The following BLOC1S1 variants were observed in gnomAD, a reference collection of about 807,000 sequenced individuals.
BLOC1S1 encodes biogenesis of lysosomal organelles complex 1 subunit 1, also known as biogenesis of lysosome-related organelles complex 1 subunit 1.
BLOC1S1 carries 11 observed loss-of-function variants against 19.0 expected under a neutral mutation model. The ratio of observed to expected loss-of-function variants is 0.58; its 90% confidence interval spans 0.37 to 0.96. BLOC1S1 has a LOEUF of 0.96. Among genes scored for constraint, BLOC1S1 ranks in the 40% least tolerant of loss-of-function variants. BLOC1S1 has a pLI of 0.01. For missense variants in BLOC1S1, 220 were observed against 195.9 expected (o/e 1.12, Z -0.73); for synonymous variants, 94 against 76.4 (o/e 1.23, Z -1.20).
intron 1 of BLOC1S1, 51 bp from the exon 2 acceptor site, chr12:55,716,882 C>A: frequency 6.5e-7 from 1 of 1,527,640 alleles, no homozygotes; most frequent in Non-Finnish European, 8.9e-7. Flanking sequence ...TTTAACACTA[C>A]CCCTCAAAAA....
intron 2 of BLOC1S1, 46 bp from the exon 3 acceptor site, chr12:55,719,045 C>A: frequency 1.3e-6 from 2 of 1,596,724 alleles, no homozygotes; most frequent in East Asian, 2.2e-5. Context: ...CCGGAGACCA[C>A]CCCCAACTAG....
intron 2 of BLOC1S1, among the ~76,000 whole-genome samples, chr12:55,718,802 C>T (rs1405598787): frequency 6.6e-6 from 1 of 152,086 alleles, no homozygotes; most frequent in Non-Finnish European, 1.5e-5. Context: ...GGATATCACC[C>T]CAGGTTTTCC....
Position 55,719,674 on chromosome 12 carries a change from C to A in BLOC1S1, c.*65C>A. On this transcript the variant is annotated 3_prime_UTR_variant, in exon 4 of 4. Transcript: ENST00000548925. ...CCGCAGGGGGAAGGAGGGAGGCTGA[C>A]AAGCCTTGAATAAAACACAAGCCTC... 1.5e-6 allele frequency: 2 copies of A among 1,378,014 alleles called. No homozygotes were observed. Among genetic ancestry groups the A allele is most frequent in the Non-Finnish European group, 2.1e-6 (2 of 974,830 alleles). 85.4% of individuals were successfully genotyped at this position (1,378,014 alleles called of 1,614,324 possible). A position where few individuals can be genotyped will look rare whatever the true frequency, so the allele number is the denominator to read the frequency against.
rs1309072207 is a variant in BLOC1S1, at chr12:55,719,687, A to G, written c.*78A>G. ...GAGGGAGGCTGACAAGCCTTGAATA[A>G]AACACAAGCCTCCGTTTCTCTGTGG... is the stretch of plus-strand genomic sequence containing the variant. On this transcript the variant is annotated 3_prime_UTR_variant, in exon 4 of 4. Transcript: ENST00000548925. 1 of 1,218,510 alleles carries G rather than the reference A, an allele frequency of 8.2e-7. No homozygotes were observed. Among genetic ancestry groups the G allele is most frequent in the African/African-American group, 1.5e-5 (1 of 66,506 alleles). The allele number at this position is 1,218,510 out of a possible 1,614,324, so 75.5% of individuals were successfully genotyped here.
chr12:55,719,122 C>A lies in BLOC1S1; in HGVS notation c.250C>A (p.Leu84Met), dbSNP rs1305717466. ...CCAGGCCTACATGAACCAGAGAAAG[C>A]TGGACCATGAGGTGAAGACCCTACA... ...VAQAYMNQRK[L>M]DHEVKTLQVQ... Residue 84 changes from leucine (L) to methionine (M), a missense_variant, in exon 3 of 4, where the codon CTG (leucine) becomes ATG (methionine). Coordinates refer to ENST00000548925, the MANE Select transcript of BLOC1S1 (RefSeq NM_001487.4). 1.2e-6 allele frequency: 2 copies of A among 1,613,850 alleles called. No homozygotes were observed. The highest frequency in any genetic ancestry group is 1.7e-6 in the Non-Finnish European group (2 of 1,180,016).
At chr12:55,716,538 G>A (rs1431817198) in intron 1 of BLOC1S1, 10 of 1,230,688 alleles carry the variant, frequency 8.1e-6, no homozygotes, top group Non-Finnish European at 1.0e-5. Flanking sequence ...GAGGGTGTGG[G>A]GAACCCCCCA....
intron 1 of BLOC1S1, 75 bp downstream of exon 1, chr12:55,716,271 A>G (rs907884029): frequency 6.5e-7 from 1 of 1,544,598 alleles, no homozygotes; most frequent in African/African-American, 1.4e-5. Context: ...GATCTCGAGT[A>G]ACTAACCATA....
At chr12:55,716,365 T>C (rs1876525997) in intron 1 of BLOC1S1, 169 bp downstream of exon 1, 4 of 1,443,204 alleles carry the variant, frequency 2.8e-6, no homozygotes, top group Non-Finnish European at 3.6e-6. Context: ...TCCTTTCCCT[T>C]GCCAACTGGC....
rs1876531989 is a variant in BLOC1S1, at chr12:55,716,407, CG to C, written c.145+213del. ...CCCTTGGGCAATACTCCGGTCCCCT[CG>C]GCAACGCCCCCAATCCCCGACCTGC... is the stretch of plus-strand genomic sequence containing the variant. On this transcript the variant is annotated intron_variant, in intron 1 of 3. Transcript: ENST00000548925. 4 of 1,388,678 alleles carry C rather than the reference CG, an allele frequency of 2.9e-6. No homozygotes were observed. The South Asian group carries it at 6.5e-5, about 23-fold the overall frequency. 86.0% of individuals were successfully genotyped at this position (1,388,678 alleles called of 1,614,324 possible).
At chr12:55,716,777 G>A (rs1342752484) in intron 1 of BLOC1S1, 156 bp from the exon 2 acceptor site, 4 of 1,270,616 alleles carry the variant, frequency 3.1e-6, no homozygotes, top group African/African-American at 3.1e-5. Flanking sequence ...AAGAGGTTGC[G>A]CTATGTTTTG....
intron 1 of BLOC1S1, 199 bp from the exon 2 acceptor site, chr12:55,716,734 C>G: frequency 1.6e-6 from 2 of 1,287,792 alleles, no homozygotes; most frequent in Non-Finnish European, 2.0e-6. Context: ...CCATTTCCCT[C>G]CCAGGGTACC....
At chr12:55,719,323 T>C (rs1269865331) in intron 3 of BLOC1S1, 100 bp downstream of exon 3, 1 of 1,584,386 alleles carries the variant, frequency 6.3e-7, no homozygotes, top group East Asian at 2.2e-5. Flanking sequence ...AGTAGGGTGG[T>C]CCCAGAAACC....
At chr12:55,719,019 C>A in intron 2 of BLOC1S1, 72 bp from the exon 3 acceptor site, 1 of 1,544,750 alleles carries the variant, frequency 6.5e-7, no homozygotes. Context: ...CCCACTGCTG[C>A]AATGGAATAT....
chr12:55,719,640 C>G lies in BLOC1S1; in HGVS notation c.*31C>G. 1 of 1,578,644 alleles carries G rather than the reference C, an allele frequency of 6.3e-7. No individual in the cohort carries two copies. Among genetic ancestry groups the G allele is most frequent in the Non-Finnish European group, 8.7e-7 (1 of 1,148,624 alleles). Reference sequence around the variant, plus strand: ...GTTCCCTCCCCCAACCCTATCCCTCCTACCTCACCCGCAGGGGGAAGGAGG... The same window carrying G: ...GTTCCCTCCCCCAACCCTATCCCTCGTACCTCACCCGCAGGGGGAAGGAGG... On this transcript the variant is annotated 3_prime_UTR_variant, in exon 4 of 4. Coordinates refer to ENST00000548925, the MANE Select transcript of BLOC1S1 (RefSeq NM_001487.4).
In BLOC1S1 at chr12:55,716,066, C is replaced by T; in HGVS notation, c.15C>T (p.Ser5=). MAPG[S]RGERSSFRSR... ...GGTCACGTGACATGGCCCCGGGGAG[C>T]CGAGGTGAGCGTTCCAGCTTCCGGA... The change falls in exon 1 of 4, where the codon AGC becomes AGT. Residue 5 remains serine (S), a synonymous_variant. Transcript: ENST00000548925. 2 of 1,563,726 alleles carry T rather than the reference C, an allele frequency of 1.3e-6. No homozygotes were observed. Among genetic ancestry groups the T allele is most frequent in the Non-Finnish European group, 1.7e-6 (2 of 1,155,058 alleles).
intron 1 of BLOC1S1, 33 bp from the exon 2 acceptor site, chr12:55,716,900 C>T: frequency 6.4e-7 from 1 of 1,568,718 alleles, no homozygotes. Flanking sequence ...AAAACCAAGT[C>T]TCCCCTCCAA....
At chr12:55,717,926 A>C (rs1295570267) in intron 2 of BLOC1S1, among the ~76,000 whole-genome samples, 4 of 152,158 alleles carry the variant, frequency 2.6e-5, no homozygotes, top group Admixed American at 1.3e-4. Flanking sequence ...CCGACCCTTG[A>C]CAGTGACCCA....
intron 2 of BLOC1S1, 103 bp downstream of exon 2, chr12:55,717,108 TC>T: frequency 1.1e-6 from 1 of 903,874 alleles, no homozygotes; most frequent in Non-Finnish European, 1.6e-6. Flanking sequence ...GGTGGGATGT[TC>T]CACTAATTCC....
rs777938306 is a variant in BLOC1S1 at position 55,719,302 on chromosome 12, G to A, written c.351+79G>A. The A allele has an allele frequency of 5.0e-6, 8 of 1,608,038 alleles. No individual in the cohort carries two copies. In the South Asian group the frequency reaches 7.7e-5, roughly 15 times the overall value. ...TCCAGTCAGGTTACCTCAGGTTTAGGTTAAGGAGGAAGTAGGGTGGTCCCA... is the reference window on the plus strand; with the variant it reads ...TCCAGTCAGGTTACCTCAGGTTTAGATTAAGGAGGAAGTAGGGTGGTCCCA... On this transcript the variant is annotated intron_variant, in intron 3 of 3. Coordinates refer to ENST00000548925, the MANE Select transcript of BLOC1S1 (RefSeq NM_001487.4).
Sources: gnomAD v4.1 joint callset for allele counts (sites outside exome capture counted in the v4.1 genomes callset) on GRCh38, gnomAD v4.1.1 for gene constraint, MANE v1.5 for transcripts, NCBI Gene and HGNC (gene_info 2026-07-23, HGNC 2026-07-21) for gene names.